Variants in IRGM observed in about 807,000 individuals in gnomAD.
IRGM encodes immunity-related GTPase family M protein.
For synonymous variants in IRGM, 98 were observed against 80.6 expected (o/e 1.22, Z -1.16); for missense variants, 288 against 219.9 (o/e 1.31, Z -1.96).
intron 1 of IRGM, among the ~76,000 whole-genome samples, chr5:150,857,101 T>G (rs1432844591): frequency 6.6e-6 from 1 of 151,634 alleles, no homozygotes; most frequent in East Asian, 1.9e-4. Flanking sequence ...CCCACAACAG[T>G]CCCCAGTGTG....
In IRGM at chr5:150,887,939, ACACAT is replaced by A. The variant is rs369136983; in HGVS notation, c.*140+8296_*140+8300del. 3.0e-3 allele frequency among the ~76,000 whole-genome samples: 460 copies of A among 152,112 alleles called. 11 individuals carry two copies. Among genetic ancestry groups the A allele is most frequent in the African/African-American group, 9.7e-3 (404 of 41,528 alleles). On this transcript the variant is annotated intron_variant and NMD_transcript_variant, in intron 3 of 3. Transcript: ENST00000520549. ...AATAACCAGCTAAGAGCACAATGAC[ACACAT>A]CAACAATAACCTTGAATGTAAATGG...
chr5:150,877,315 AATC>A (rs1177677574), intron 1 of IRGM, among the ~76,000 whole-genome samples: 2 of 152,186 alleles, frequency 1.3e-5, no homozygotes, highest in Non-Finnish European at 2.9e-5. Context: ...AGCACATTCT[AATC>A]AGCTGCCAGT....
At chr5:150,856,653 A>G (rs1754054087) in intron 1 of IRGM, among the ~76,000 whole-genome samples, 1 of 150,722 alleles carries the variant, frequency 6.6e-6, no homozygotes, top group Non-Finnish European at 1.5e-5. Flanking sequence ...TTTATTTTTC[A>G]GAGACAGGGT....
intron 1 of IRGM, among the ~76,000 whole-genome samples, chr5:150,856,532 T>C (rs1265595727): frequency 1.3e-5 from 2 of 152,160 alleles, no homozygotes; most frequent in Non-Finnish European, 2.9e-5. Context: ...TATTTGTGTA[T>C]CCTCTATGTT....
chr5:150,896,507 A>T, intron 3 of IRGM: 2 of 1,613,570 alleles, frequency 1.2e-6, no homozygotes, highest in Non-Finnish European at 1.7e-6. Context: ...TTCCACACTG[A>T]TTATCATCAA....
chr5:150,871,986 AT>A (rs1754289460), intron 1 of IRGM, among the ~76,000 whole-genome samples: 1 of 152,198 alleles, frequency 6.6e-6, no homozygotes, highest in African/African-American at 2.4e-5. Flanking sequence ...TTGATTTGAC[AT>A]TCATTTTTAA....
downstream of IRGM, among the ~76,000 whole-genome samples, chr5:150,851,014 T>C (rs1341520556): frequency 6.6e-6 from 1 of 152,200 alleles, no homozygotes; most frequent in East Asian, 1.9e-4. Flanking sequence ...TGTTTGGAAA[T>C]GTTAGTTTTG....
intron 1 of IRGM, among the ~76,000 whole-genome samples, chr5:150,867,669 T>C (rs528692286): frequency 2.4e-4 from 36 of 152,158 alleles, no homozygotes; most frequent in Non-Finnish European, 2.2e-4. Context: ...TAAATTATAG[T>C]CATCCTTGCA....
chr5:150,895,365 G>T (rs1754717109), intron 3 of IRGM: 1 of 1,281,352 alleles, frequency 7.8e-7, no homozygotes, highest in Non-Finnish European at 1.1e-6. Flanking sequence ...CAAATTAATT[G>T]GGTTTCTAGT....
intron 1 of IRGM, among the ~76,000 whole-genome samples, chr5:150,875,728 G>A (rs1418891448): frequency 6.6e-6 from 1 of 152,190 alleles, no homozygotes; most frequent in Non-Finnish European, 1.5e-5. Flanking sequence ...CACTCACCGA[G>A]GCTGACCTGG....
chr5:150,899,202 T>TTTCTA (rs1255609105), intron 3 of IRGM, among the ~76,000 whole-genome samples: 1 of 152,100 alleles, frequency 6.6e-6, no homozygotes, highest in Non-Finnish European at 1.5e-5. Flanking sequence ...TGAGACTAAA[T>TTTCTA]TTCTATTGTT....
At chr5:150,896,263 C>A in intron 3 of IRGM, 1 of 1,613,712 alleles carries the variant, frequency 6.2e-7, no homozygotes, top group Non-Finnish European at 8.5e-7. Flanking sequence ...TCAGAACAAT[C>A]ATAAGGTTTC....
At chr5:150,859,836 T>C (rs1052315865) in intron 1 of IRGM, among the ~76,000 whole-genome samples, 3 of 152,174 alleles carry the variant, frequency 2.0e-5, no homozygotes, top group Admixed American at 2.0e-4. Flanking sequence ...TTATTAGTCT[T>C]GCTAGCGGTC....
intron 3 of IRGM, among the ~76,000 whole-genome samples, chr5:150,900,294 C>G (rs144412070): frequency 2.2e-4 from 34 of 152,150 alleles, no homozygotes; most frequent in African/African-American, 7.0e-4. Context: ...TTCCATGAAG[C>G]ACTCTCCATT....
chr5:150,875,464 T>C (rs1754349997), intron 1 of IRGM, among the ~76,000 whole-genome samples: 1 of 152,062 alleles, frequency 6.6e-6, no homozygotes, highest in African/African-American at 2.4e-5. Context: ...ACAAAGAAAT[T>C]TGGGAAATAG....
At chr5:150,881,113 G>A (rs1445047508) in intron 3 of IRGM, among the ~76,000 whole-genome samples, 2 of 144,798 alleles carry the variant, frequency 1.4e-5, no homozygotes, top group Non-Finnish European at 3.0e-5. Flanking sequence ...GGTGACAAAA[G>A]CGAAACTCCA....
intron 1 of IRGM, among the ~76,000 whole-genome samples, chr5:150,869,234 T>A (rs1425943638): frequency 6.6e-6 from 1 of 152,116 alleles, no homozygotes; most frequent in African/African-American, 2.4e-5. Context: ...TCTGTTGAGA[T>A]GATCGTGTGA....
Position 150,896,871 on chromosome 5 carries a change from G to A in IRGM, c.*141-3718G>A, listed in dbSNP as rs770010819. On this transcript the variant is annotated intron_variant and NMD_transcript_variant, in intron 3 of 3. Coordinates refer to the IRGM transcript ENST00000520549. The stretch of plus-strand genomic sequence containing the variant: ...ATCACCTTGACAGACTTTTAAAATG[G>A]AGCACAATGAACCATCCCTTGTGAC... 6.2e-5 allele frequency: 100 copies of A among 1,613,488 alleles called. No homozygotes were observed. Among genetic ancestry groups the A allele is most frequent in the Non-Finnish European group, 7.5e-5 (89 of 1,179,746 alleles).
At chr5:150,862,174 A>AAG (rs1166115660) in intron 1 of IRGM, among the ~76,000 whole-genome samples, 2 of 152,266 alleles carry the variant, frequency 1.3e-5, no homozygotes, top group Admixed American at 1.3e-4. Flanking sequence ...AGCCACCCTC[A>AAG]GTTCCTTGCC....
Sources: gnomAD v4.1 joint callset for allele counts (sites outside exome capture counted in the v4.1 genomes callset) on GRCh38, gnomAD v4.1.1 for gene constraint, MANE v1.5 for transcripts, NCBI Gene and HGNC (gene_info 2026-07-23, HGNC 2026-07-21) for gene names.